The following FGF14 variants were observed in gnomAD, a reference collection of about 807,000 sequenced individuals.
The protein encoded by FGF14 is fibroblast growth factor homologous factor 4.
A neutral mutation model predicts 25.5 loss-of-function variants in FGF14; 5 were observed. That is an observed-to-expected ratio of 0.20 (90% CI 0.10 to 0.41). FGF14 has a LOEUF of 0.41. FGF14 is among the 10% of genes least tolerant of loss of function. FGF14 has a pLI of 1.00. For missense variants in FGF14, 222 were observed against 320.1 expected (o/e 0.69, Z 2.34); for synonymous variants, 138 against 118.3 (o/e 1.17, Z -1.08).
At chr13:102,153,385 A>G (rs2047176930) in intron 1 of FGF14, among the ~76,000 whole-genome samples, 1 of 152,220 alleles carries the variant, frequency 6.6e-6, no homozygotes, top group African/African-American at 2.4e-5. Context: ...TTCTTGGCTC[A>G]TGAAGTCTGG....
intron 1 of FGF14, among the ~76,000 whole-genome samples, chr13:102,350,222 T>C (rs915766953): frequency 3.3e-5 from 5 of 152,044 alleles, no homozygotes; most frequent in African/African-American, 7.2e-5. Flanking sequence ...ATTAAAAAAT[T>C]AGCCAGTGTG....
At chr13:102,015,759 A>G (rs2040307417) in intron 1 of FGF14, among the ~76,000 whole-genome samples, 2 of 152,156 alleles carry the variant, frequency 1.3e-5, no homozygotes, top group South Asian at 4.1e-4. Flanking sequence ...AGCCTTCCCA[A>G]TAAAATTAAA....
At chr13:102,388,032 G>A (rs1233198544) in intron 1 of FGF14, among the ~76,000 whole-genome samples, 1 of 152,108 alleles carries the variant, frequency 6.6e-6, no homozygotes, top group African/African-American at 2.4e-5. Context: ...CCAGGCCATA[G>A]GTAGTTTTTT....
intron 1 of FGF14, among the ~76,000 whole-genome samples, chr13:101,924,131 A>G (rs2034198036): frequency 6.6e-6 from 1 of 152,098 alleles, no homozygotes; most frequent in Admixed American, 6.5e-5. Context: ...CCTCAACAGA[A>G]AAAAAATTAC....
At chr13:102,401,377 T>A in intron 1 of FGF14, 12 of 1,192,846 alleles carry the variant, frequency 1.0e-5, no homozygotes, top group Non-Finnish European at 1.5e-5. Flanking sequence ...ATGTTTCCCC[T>A]GCCTTCCTGC....
chr13:102,143,556 T>C (rs1016062587), intron 1 of FGF14, among the ~76,000 whole-genome samples: 1 of 152,138 alleles, frequency 6.6e-6, no homozygotes, highest in African/African-American at 2.4e-5. Flanking sequence ...TACACACTTG[T>C]TTTTCGTCTT....
intron 1 of FGF14, among the ~76,000 whole-genome samples, chr13:101,896,710 C>A (rs1365755255): frequency 1.3e-5 from 2 of 152,128 alleles, no homozygotes; most frequent in Non-Finnish European, 2.9e-5. Context: ...TACCTACATG[C>A]ACGCAGGCAG....
At chr13:101,854,422 C>T (rs1463386222) in intron 3 of FGF14, among the ~76,000 whole-genome samples, 2 of 152,046 alleles carry the variant, frequency 1.3e-5, no homozygotes, top group African/African-American at 4.8e-5. Flanking sequence ...TACTGCTGCT[C>T]ACACTAAACA....
At chr13:101,901,402 A>G (rs1226833147) in intron 1 of FGF14, among the ~76,000 whole-genome samples, 1 of 152,084 alleles carries the variant, frequency 6.6e-6, no homozygotes, top group Admixed American at 6.6e-5. Flanking sequence ...AGAGGGAGTC[A>G]TATCAAAATG....
intron 1 of FGF14, among the ~76,000 whole-genome samples, chr13:102,232,994 G>A (rs955127605): frequency 6.6e-6 from 1 of 152,056 alleles, no homozygotes; most frequent in African/African-American, 2.4e-5. Flanking sequence ...TGAGACATCC[G>A]TGCAGCCCTC....
chr13:102,069,680 C>T (rs2043074792), intron 1 of FGF14, among the ~76,000 whole-genome samples: 1 of 152,122 alleles, frequency 6.6e-6, no homozygotes, highest in Non-Finnish European at 1.5e-5. Context: ...CCAGCGAGAC[C>T]ACGAACCCAC....
At chr13:102,115,820 A>G (rs2045442945) in intron 1 of FGF14, among the ~76,000 whole-genome samples, 1 of 151,322 alleles carries the variant, frequency 6.6e-6, no homozygotes, top group Admixed American at 6.6e-5. Flanking sequence ...AAAATAAAGT[A>G]GAAAAAAACA....
chr13:102,354,109 C>T (rs1594930686), intron 1 of FGF14: 2 of 152,262 alleles, frequency 1.3e-5, no homozygotes, highest in Admixed American at 6.5e-5. Flanking sequence ...AAGCTACATA[C>T]CTCCCTCACA....
At chr13:102,317,364 A>G (rs1003540884) in intron 1 of FGF14, among the ~76,000 whole-genome samples, 1 of 151,548 alleles carries the variant, frequency 6.6e-6, no homozygotes, top group South Asian at 2.1e-4. Flanking sequence ...TAAGTATTAG[A>G]AAAAAAAAGA....
rs137953007 is a variant in FGF14 at position 101,866,459 on chromosome 13, G to A, written c.408+2266C>T. 6.7e-3 allele frequency among the ~76,000 whole-genome samples: 1,013 copies of A among 152,134 alleles called. 10 individuals are homozygous for A. Among genetic ancestry groups the A allele is most frequent in the South Asian group, 0.017 (82 of 4,818 alleles). The stretch of plus-strand genomic sequence containing the variant: ...ATTCTTAAACTCTCTGTATATCAGT[G>A]TCCTTATTTTAATAATATTTGCTTA... On this transcript the variant is annotated intron_variant, in intron 3 of 4. Coordinates refer to ENST00000376143, the MANE Select transcript of FGF14 (RefSeq NM_004115.4).
At chr13:102,200,324 C>T (rs2049559063) in intron 1 of FGF14, among the ~76,000 whole-genome samples, 1 of 152,100 alleles carries the variant, frequency 6.6e-6, no homozygotes, top group African/African-American at 2.4e-5. Context: ...AAGAGGTAAA[C>T]AATCATTACT....
chr13:102,335,393 T>C (rs1307152952), intron 1 of FGF14, among the ~76,000 whole-genome samples: 2 of 152,206 alleles, frequency 1.3e-5, no homozygotes, highest in African/African-American at 4.8e-5. Context: ...TCTACATCTA[T>C]GCACTGGCCT....
chr13:102,333,549 T>A (rs9582572), intron 1 of FGF14, among the ~76,000 whole-genome samples: 15,803 of 152,092 alleles, frequency 0.1, 1,879 homozygotes, highest in African/African-American at 0.29. Context: ...CCCCTGGGCT[T>A]TCGGTAAAGT....
intron 1 of FGF14, among the ~76,000 whole-genome samples, chr13:102,273,077 G>A (rs2053330978): frequency 6.6e-6 from 1 of 152,116 alleles, no homozygotes; most frequent in Non-Finnish European, 1.5e-5. Flanking sequence ...TCCAATGTCT[G>A]TCCTTAGAAA....
Sources: gnomAD v4.1 joint callset for allele counts (sites outside exome capture counted in the v4.1 genomes callset) on GRCh38, gnomAD v4.1.1 for gene constraint, MANE v1.5 for transcripts, NCBI Gene and HGNC (gene_info 2026-07-23, HGNC 2026-07-21) for gene names.